TFAP2D: variants seen among roughly 807,000 people sequenced by gnomAD.
TFAP2D encodes the protein transcription factor AP-2 delta.
A neutral mutation model predicts 43.6 loss-of-function variants in TFAP2D; 9 were observed. The ratio of observed to expected loss-of-function variants is 0.21; its 90% confidence interval spans 0.12 to 0.36. The LOEUF (loss-of-function observed/expected upper bound fraction) is 0.36. TFAP2D is among the 10% of genes least tolerant of loss of function. The pLI is 1.00. For missense variants in TFAP2D, 513 were observed against 561.4 expected (o/e 0.91, Z 0.87); for synonymous variants, 256 against 224.9 (o/e 1.14, Z -1.24).
At chr6:50,765,587 T>A (rs1317528339) in intron 7 of TFAP2D, among the ~76,000 whole-genome samples, 4 of 152,222 alleles carry the variant, frequency 2.6e-5, no homozygotes, top group African/African-American at 9.6e-5. Flanking sequence ...TCATTGTAGT[T>A]TTAATTTGTG....
chr6:50,750,686 T>A (rs1352731721), intron 6 of TFAP2D, among the ~76,000 whole-genome samples: 5 of 152,008 alleles, frequency 3.3e-5, no homozygotes, highest in Non-Finnish European at 5.9e-5. Context: ...TTTGTGAGGC[T>A]AGTGAACTAA....
intron 5 of TFAP2D, among the ~76,000 whole-genome samples, chr6:50,735,887 G>T (rs1309426784): frequency 6.6e-6 from 1 of 152,142 alleles, no homozygotes; most frequent in African/African-American, 2.4e-5. Context: ...CATGAGACTT[G>T]TAGGCTTGAA....
At chr6:50,743,746 A>G (rs1373148558) in intron 5 of TFAP2D, among the ~76,000 whole-genome samples, 1 of 151,982 alleles carries the variant, frequency 6.6e-6, no homozygotes, top group African/African-American at 2.4e-5. Flanking sequence ...TCTTCATATT[A>G]TCAGCTATTT....
chr6:50,725,039 A>T (rs941811597), intron 3 of TFAP2D, among the ~76,000 whole-genome samples: 6 of 152,098 alleles, frequency 3.9e-5, no homozygotes, highest in African/African-American at 1.4e-4. Flanking sequence ...TCAAATTCTT[A>T]CTTGTAGCCC....
intron 7 of TFAP2D, 106 bp from the exon 8 acceptor site, chr6:50,772,539 T>A (rs1769544195): frequency 5.2e-6 from 5 of 961,446 alleles, no homozygotes; most frequent in Non-Finnish European, 7.9e-6. Context: ...AGGAACACAA[T>A]GAATACCTGT....
At chr6:50,753,791 G>T (rs1769229510) in intron 7 of TFAP2D, among the ~76,000 whole-genome samples, 1 of 151,790 alleles carries the variant, frequency 6.6e-6, no homozygotes, top group Admixed American at 6.6e-5. Flanking sequence ...ATATTAGAAA[G>T]TTATGATTTC....
At chr6:50,750,107 G>T (rs1389444152) in intron 6 of TFAP2D, among the ~76,000 whole-genome samples, 1 of 151,864 alleles carries the variant, frequency 6.6e-6, no homozygotes, top group Non-Finnish European at 1.5e-5. Context: ...TTAACTCAGT[G>T]ATCAATTATT....
At chr6:50,742,573 C>CATAGATAGTTAG (rs1554154240) in intron 5 of TFAP2D, among the ~76,000 whole-genome samples, 40 of 145,498 alleles carry the variant, frequency 2.7e-4, no homozygotes, top group African/African-American at 1.0e-3. Flanking sequence ...GACAGACACA[C>CATAGATAGTTAG]ATAGATAGAT....
At chr6:50,768,679 G>A (rs1769479563) in intron 7 of TFAP2D, among the ~76,000 whole-genome samples, 2 of 152,082 alleles carry the variant, frequency 1.3e-5, no homozygotes, top group African/African-American at 2.4e-5. Context: ...AAATTTCACT[G>A]AAAACTGCTA....
At chr6:50,759,013 T>A (rs926434877) in intron 7 of TFAP2D, among the ~76,000 whole-genome samples, 4 of 151,940 alleles carry the variant, frequency 2.6e-5, no homozygotes, top group Admixed American at 6.6e-5. Flanking sequence ...TTTGATGAAT[T>A]TTTATGGATT....
rs969190613 is a variant in TFAP2D, at chr6:50,715,996, A to T, written c.537+383A>T. Among the ~76,000 whole-genome samples, 40 of 152,064 alleles carry T rather than the reference A, an allele frequency of 2.6e-4. No homozygotes were observed. The Middle Eastern group carries it at 0.02, about 78-fold the overall frequency. Reference sequence around the variant, plus strand: ...AGGAGTCTGGGGTTGGGCCAACCGGACTCAGAGTAAGATCCAATAAATTGA... The same window carrying T: ...AGGAGTCTGGGGTTGGGCCAACCGGTCTCAGAGTAAGATCCAATAAATTGA... On this transcript the variant is annotated intron_variant, in intron 2 of 7. Coordinates refer to ENST00000008391, the MANE Select transcript of TFAP2D (RefSeq NM_172238.4).
intron 6 of TFAP2D, among the ~76,000 whole-genome samples, chr6:50,748,397 A>C (rs534071153): frequency 6.6e-6 from 1 of 151,976 alleles, no homozygotes; most frequent in African/African-American, 2.4e-5. Flanking sequence ...TATAAAAAAT[A>C]TATATGAAAT....
In TFAP2D at chr6:50,745,171, A is replaced by G; in HGVS notation, c.948A>G (p.Ala316=). The G allele has an allele frequency of 6.2e-7, 1 of 1,613,782 alleles. No individual in the cohort carries two copies. The highest frequency in any genetic ancestry group is 1.1e-5 in the South Asian group (1 of 91,070). The stretch of plus-strand genomic sequence containing the variant: ...GTGAAACAGAGTTTCCAGCCAAAGC[A>G]GTAGGAGAACATCTTGCCAGACAAC... ...YTCETEFPAK[A]VGEHLARQHM... Residue 316 remains alanine, a synonymous_variant, in exon 6 of 8, where the codon GCA becomes GCG. Transcript: ENST00000008391.
intron 5 of TFAP2D, among the ~76,000 whole-genome samples, chr6:50,744,013 T>C (rs551693899): frequency 1.0e-3 from 154 of 152,310 alleles, no homozygotes; most frequent in Middle Eastern, 3.4e-3. Flanking sequence ...GGTGAGTAGA[T>C]GCTTAGTATT....
At chr6:50,736,795 C>T (rs1024963510) in intron 5 of TFAP2D, among the ~76,000 whole-genome samples, 1 of 152,098 alleles carries the variant, frequency 6.6e-6, no homozygotes, top group African/African-American at 2.4e-5. Flanking sequence ...TATAGCCAAA[C>T]CAATTTGCCT....
intron 7 of TFAP2D, among the ~76,000 whole-genome samples, chr6:50,759,636 C>A (rs968055374): frequency 6.6e-6 from 1 of 151,882 alleles, no homozygotes; most frequent in African/African-American, 2.4e-5. Flanking sequence ...GGTTAATGTA[C>A]CCCTATAAAA....
chr6:50,736,348 T>C (rs1462891957), intron 5 of TFAP2D, among the ~76,000 whole-genome samples: 1 of 152,180 alleles, frequency 6.6e-6, no homozygotes, highest in East Asian at 1.9e-4. Context: ...GGAGACAGTT[T>C]TGCATAGTTT....
intron 5 of TFAP2D, among the ~76,000 whole-genome samples, chr6:50,737,063 C>T (rs1768974671): frequency 6.6e-6 from 1 of 152,096 alleles, no homozygotes; most frequent in South Asian, 2.1e-4. Context: ...TCACTACAGC[C>T]TCTACCTCCT....
At chr6:50,724,119 G>GA (rs113870749) in intron 3 of TFAP2D, among the ~76,000 whole-genome samples, 1 of 130,294 alleles carries the variant, frequency 7.7e-6, no homozygotes, top group Non-Finnish European at 1.8e-5. Flanking sequence ...CATGGGGGGA[G>GA]GGGTAACATG....
Sources: gnomAD v4.1 joint callset for allele counts (sites outside exome capture counted in the v4.1 genomes callset) on GRCh38, gnomAD v4.1.1 for gene constraint, MANE v1.5 for transcripts, NCBI Gene and HGNC (gene_info 2026-07-23, HGNC 2026-07-21) for gene names.